PLXNC1: variants seen among roughly 807,000 people sequenced by gnomAD.
PLXNC1 encodes the protein plexin-C1.
In PLXNC1, 75 loss-of-function variants were observed where a neutral mutation model predicts 178.2. That is an observed-to-expected ratio of 0.42 (90% CI 0.35 to 0.51). The LOEUF is 0.51. PLXNC1 is among the 20% of genes least tolerant of loss of function. The probability of loss-of-function intolerance (pLI) is 0.02; values close to 1 mark genes in which losing one functional copy is unlikely to be tolerated. For synonymous variants in PLXNC1, 790 were observed against 779.9 expected (o/e 1.01, Z -0.22); for missense variants, 1,503 against 1,984.4 (o/e 0.76, Z 4.61).
chr12:94,263,394 C>T (rs980602327), intron 20 of PLXNC1, among the ~76,000 whole-genome samples: 1 of 152,102 alleles, frequency 6.6e-6, no homozygotes, highest in East Asian at 1.9e-4. Flanking sequence ...CCAGATGTTA[C>T]TTAGCTCAGT....
intron 3 of PLXNC1, among the ~76,000 whole-genome samples, chr12:94,182,550 C>T (rs183265231): frequency 4.0e-5 from 6 of 151,028 alleles, no homozygotes; most frequent in African/African-American, 1.5e-4. Flanking sequence ...ATGATGAAAC[C>T]CCATCTCCAC....
intron 3 of PLXNC1, among the ~76,000 whole-genome samples, chr12:94,183,821 T>G (rs1962412515): frequency 1.3e-5 from 2 of 152,182 alleles, no homozygotes; most frequent in South Asian, 4.1e-4. Context: ...GAAGAGTTTT[T>G]GACTGGGCAT....
chr12:94,260,046 A>T lies in PLXNC1; in HGVS notation c.3251+312A>T, dbSNP rs896764735. ...TGCAGCCTTCTCTCCATTTTAGATC[A>T]TACCACCCCAACACAATTTTTTTGT... On this transcript the variant is annotated intron_variant, in intron 19 of 30. Transcript: ENST00000258526. The surrounding 1 kb of genome is among the most constrained non-coding windows in gnomAD (Gnocchi z 4.4). 2.6e-5 allele frequency among the ~76,000 whole-genome samples: 4 copies of T among 152,174 alleles called. No individual in the cohort carries two copies. The highest frequency in any genetic ancestry group is 9.7e-5 in the African/African-American group (4 of 41,438).
intron 1 of PLXNC1, among the ~76,000 whole-genome samples, chr12:94,153,277 G>T (rs887209321): frequency 6.6e-6 from 1 of 152,188 alleles, no homozygotes; most frequent in Non-Finnish European, 1.5e-5. Context: ...TTCCCTTGAA[G>T]GTCCCCTAAT....
chr12:94,231,140 A>C (rs1358534271), intron 9 of PLXNC1, among the ~76,000 whole-genome samples: 5 of 152,148 alleles, frequency 3.3e-5, no homozygotes, highest in African/African-American at 4.8e-5. Flanking sequence ...AGTGCCTTGA[A>C]GTTGAAAACA....
At chr12:94,200,523 G>A (rs1249204489) in intron 4 of PLXNC1, among the ~76,000 whole-genome samples, 1 of 152,148 alleles carries the variant, frequency 6.6e-6, no homozygotes, top group Admixed American at 6.5e-5. Context: ...ATTTGATATT[G>A]CTTTCAGGAG....
chr12:94,265,872 AG>A (rs1965205848), intron 21 of PLXNC1, among the ~76,000 whole-genome samples: 1 of 152,266 alleles, frequency 6.6e-6, no homozygotes, highest in South Asian at 2.1e-4. Context: ...CTCTTCCTAA[AG>A]AAAGAAAGAA....
intron 23 of PLXNC1, among the ~76,000 whole-genome samples, chr12:94,293,781 G>T (rs1177960971): frequency 6.6e-6 from 1 of 152,106 alleles, no homozygotes. Flanking sequence ...AATGCGCCCA[G>T]ATAATTAAAA....
At chr12:94,255,721 G>C (rs1416569841) in intron 17 of PLXNC1, among the ~76,000 whole-genome samples, 6 of 152,174 alleles carry the variant, frequency 3.9e-5, no homozygotes, top group Non-Finnish European at 5.9e-5. Context: ...AATTGGAAAG[G>C]AAAAATACTA....
chr12:94,291,209 A>C (rs1247802505), intron 23 of PLXNC1, among the ~76,000 whole-genome samples: 1 of 152,238 alleles, frequency 6.6e-6, no homozygotes, highest in Non-Finnish European at 1.5e-5. Flanking sequence ...GTATACATTT[A>C]AAATCTGTGG....
At chr12:94,188,323 C>CTT (rs141025919) in intron 4 of PLXNC1, among the ~76,000 whole-genome samples, 25,541 of 127,686 alleles carry the variant, frequency 0.2, 3,072 homozygotes, top group Admixed American at 0.24. Flanking sequence ...TCTTTTTGTC[C>CTT]TTTTTTTTTT....
chr12:94,225,942 G>A (rs765772708), intron 7 of PLXNC1, among the ~76,000 whole-genome samples: 18 of 152,162 alleles, frequency 1.2e-4, no homozygotes, highest in Non-Finnish European at 1.5e-5. Context: ...TGGGTCCCCC[G>A]GCCCTGTGCT....
intron 4 of PLXNC1, among the ~76,000 whole-genome samples, chr12:94,195,399 T>C (rs1962877765): frequency 6.6e-6 from 1 of 152,038 alleles, no homozygotes; most frequent in Non-Finnish European, 1.5e-5. Context: ...GTAGTACGTC[T>C]CCCAGTGCAT....
chr12:94,223,930 G>C lies in PLXNC1; in HGVS notation c.1703-298G>C, dbSNP rs146434531. On this transcript the variant is annotated intron_variant, in intron 6 of 30. Transcript: ENST00000258526. Reference sequence around the variant, plus strand: ...TAAAAGCTGAGATAGTGATCCCTAGGAGAGTATGAGATGTAAATGAGCTGT... The same window carrying C: ...TAAAAGCTGAGATAGTGATCCCTAGCAGAGTATGAGATGTAAATGAGCTGT... Among the ~76,000 whole-genome samples, 792 of 152,250 alleles carry C rather than the reference G, an allele frequency of 5.2e-3. 2 individuals are homozygous for C. Among genetic ancestry groups the C allele is most frequent in the Non-Finnish European group, 8.5e-3 (578 of 68,002 alleles).
intron 3 of PLXNC1, among the ~76,000 whole-genome samples, chr12:94,182,741 A>G (rs989459518): frequency 6.6e-6 from 1 of 152,046 alleles, no homozygotes; most frequent in Non-Finnish European, 1.5e-5. Flanking sequence ...GAAAAAAAAA[A>G]GAAAGAAGAA....
chr12:94,163,892 G>A lies in PLXNC1; in HGVS notation c.1063-5261G>A, dbSNP rs998755524. Reference sequence around the variant, plus strand: ...TTCCTAGCTAATAAAATCACTGTCCGACTTGGGCAAATAGTTGTCCTTTCC... The same window carrying A: ...TTCCTAGCTAATAAAATCACTGTCCAACTTGGGCAAATAGTTGTCCTTTCC... On this transcript the variant is annotated intron_variant, in intron 1 of 30. Transcript: ENST00000258526. Among the ~76,000 whole-genome samples the A allele has an allele frequency of 1.1e-4, 16 of 152,150 alleles. 2 individuals are homozygous for A. Among genetic ancestry groups the A allele is most frequent in the Admixed American group, 9.8e-4 (15 of 15,268 alleles).
intron 11 of PLXNC1, among the ~76,000 whole-genome samples, chr12:94,243,132 T>C (rs1013116636): frequency 6.6e-6 from 1 of 152,264 alleles, no homozygotes; most frequent in Non-Finnish European, 1.5e-5. Context: ...CCATTGTGGC[T>C]GGAGGATTCA....
intron 2 of PLXNC1, among the ~76,000 whole-genome samples, chr12:94,173,900 C>T (rs1021283491): frequency 1.3e-5 from 2 of 152,126 alleles, no homozygotes; most frequent in African/African-American, 4.8e-5. Context: ...GCGTAGTCCA[C>T]GGGGGTCTCT....
At chr12:94,176,674 T>TG (rs929139863) in intron 2 of PLXNC1, among the ~76,000 whole-genome samples, 34 of 152,204 alleles carry the variant, frequency 2.2e-4, no homozygotes, top group African/African-American at 8.2e-4. Context: ...GAAAGGCACC[T>TG]GGTCTTGACT....
Sources: allele counts gnomAD v4.1 joint callset (sites outside exome capture counted in the v4.1 genomes callset), GRCh38; gene constraint gnomAD v4.1.1; non-coding constraint Gnocchi (gnomAD v3.1); transcripts MANE v1.5; gene names NCBI Gene and HGNC (gene_info 2026-07-23, HGNC 2026-07-21).